GPR139: variants seen among roughly 807,000 people sequenced by gnomAD.
GPR139 encodes the protein probable G protein-coupled receptor 139.
In GPR139, 12 loss-of-function variants were observed where a neutral mutation model predicts 25.8. That is an observed-to-expected ratio of 0.47 (90% CI 0.30 to 0.75). The LOEUF is 0.75. GPR139 is among the 30% of genes least tolerant of loss of function. GPR139 has a pLI of 0.07. For synonymous variants in GPR139, 184 were observed against 179.9 expected (o/e 1.02, Z -0.18); for missense variants, 380 against 450.2 (o/e 0.84, Z 1.41).
At chr16:20,038,327 A>ATGTG (rs1183749066) in intron 1 of GPR139, among the ~76,000 whole-genome samples, 29 of 81,616 alleles carry the variant, frequency 3.6e-4, no homozygotes, top group African/African-American at 1.3e-3. Flanking sequence ...GATAATATAT[A>ATGTG]TATGTGTGTG....
chr16:20,032,120 G>C lies in GPR139; in HGVS notation c.677C>G (p.Thr226Ser). The C allele has an allele frequency of 6.2e-7, 1 of 1,614,208 alleles. No homozygotes were observed. Among genetic ancestry groups the C allele is most frequent in the Non-Finnish European group, 8.5e-7 (1 of 1,180,032 alleles). The change falls in exon 2 of 2, where the codon ACC becomes AGC. Residue 226 changes from threonine to serine, a missense_variant. Physicochemically the swap from Thr to Ser is moderately conservative, Grantham distance 58. Transcript: ENST00000570682. ...GGTAATGGTGAACAAGATGGCGGTG[G>C]TCTTCCCCGTGGAGTAGCCACGGAG... ...FRLRGYSTGK[T>S]TAILFTITSI...
intron 1 of GPR139, among the ~76,000 whole-genome samples, chr16:20,065,143 G>A (rs939369198): frequency 2.6e-5 from 4 of 152,048 alleles, no homozygotes; most frequent in African/African-American, 4.8e-5. Context: ...AATTGGCAGC[G>A]TGCTGGGCCA....
chr16:20,060,100 G>A (rs2057406147), intron 1 of GPR139, among the ~76,000 whole-genome samples: 1 of 152,154 alleles, frequency 6.6e-6, no homozygotes, highest in South Asian at 2.1e-4. Flanking sequence ...TTCCAGGGAA[G>A]ACACTGCTTT....
rs2057275845 is a variant in GPR139 at position 20,028,502 on chromosome 16, A to G, written c.*3233T>C. Among the ~76,000 whole-genome samples the G allele has an allele frequency of 6.6e-6, 1 of 152,170 alleles. No individual in the cohort carries two copies. Among genetic ancestry groups the G allele is most frequent in the African/African-American group, 2.4e-5 (1 of 41,440 alleles). ...TGAACATTTGCTTTTTTTCTATGGT[A>G]ACTTTCTATTCCATTCTCTGAACTG... is the stretch of plus-strand genomic sequence containing the variant. On this transcript the variant is annotated 3_prime_UTR_variant, in exon 2 of 2. Transcript: ENST00000570682.
chr16:20,052,986 A>T (rs1326179974), intron 1 of GPR139, among the ~76,000 whole-genome samples: 4 of 152,086 alleles, frequency 2.6e-5, no homozygotes, highest in Admixed American at 1.3e-4. Flanking sequence ...CCCAGTATGC[A>T]TTAGCTATTT....
chr16:20,064,965 C>T (rs988893657), intron 1 of GPR139, among the ~76,000 whole-genome samples: 1 of 152,198 alleles, frequency 6.6e-6, no homozygotes, highest in Non-Finnish European at 1.5e-5. Flanking sequence ...TCCCTGGTTT[C>T]ATGGGTTGGC....
In GPR139 at chr16:20,032,705, C is replaced by G. The variant is rs371802721; in HGVS notation, c.128-36G>C. 5.9e-6 allele frequency: 9 copies of G among 1,529,322 alleles called. No individual in the cohort carries two copies. In the African/African-American group the frequency reaches 1.2e-4, roughly 21 times the overall value. The allele number at this position is 1,529,322 out of a possible 1,614,324, so 94.7% of individuals were successfully genotyped here. On this transcript the variant is annotated intron_variant, in intron 1 of 1. Coordinates refer to ENST00000570682, the MANE Select transcript of GPR139 (RefSeq NM_001002911.4). ...AAGAAAAACTGGTTTAGCTCTGAAG[C>G]AAAGATGACTTCGTTGGCTCCTATG...
Position 20,045,657 on chromosome 16 carries a change from C to G in GPR139, c.128-12988G>C, listed in dbSNP as rs867932171. On this transcript the variant is annotated intron_variant, in intron 1 of 1. Transcript: ENST00000570682. Reference sequence around the variant, plus strand: ...ATCAATTTCAGAGCAGTCATATGGCCTTTGAGAATGCTCGCCACTCCCAGC... The same window carrying G: ...ATCAATTTCAGAGCAGTCATATGGCGTTTGAGAATGCTCGCCACTCCCAGC... 2.0e-5 allele frequency among the ~76,000 whole-genome samples: 3 copies of G among 152,276 alleles called. No homozygotes were observed. In the South Asian group the frequency reaches 6.2e-4, roughly 32 times the overall value.
chr16:20,052,467 A>G (rs988922289), intron 1 of GPR139, among the ~76,000 whole-genome samples: 17 of 152,222 alleles, frequency 1.1e-4, no homozygotes, highest in South Asian at 2.1e-4. Flanking sequence ...ACGATTCTAT[A>G]ACTTTTTCTT....
chr16:20,061,923 G>A (rs1192797577), intron 1 of GPR139, among the ~76,000 whole-genome samples: 1 of 152,216 alleles, frequency 6.6e-6, no homozygotes, highest in Non-Finnish European at 1.5e-5. Context: ...AATTAGCTAT[G>A]TATGCATCCC....
intron 1 of GPR139, among the ~76,000 whole-genome samples, chr16:20,050,985 C>G (rs2057369546): frequency 6.8e-6 from 1 of 147,084 alleles, no homozygotes; most frequent in Non-Finnish European, 1.5e-5. Flanking sequence ...ATTGTTTGAG[C>G]CCAAGAGGTC....
intron 1 of GPR139, among the ~76,000 whole-genome samples, chr16:20,040,702 C>G (rs1464415976): frequency 6.6e-6 from 1 of 152,120 alleles, no homozygotes; most frequent in East Asian, 1.9e-4. Context: ...CCCTCTCTCC[C>G]TCCCTCCTAA....
chr16:20,063,469 G>A lies in GPR139; in HGVS notation c.127+10021C>T, dbSNP rs116853299. Among the ~76,000 whole-genome samples the A allele has an allele frequency of 9.7e-4, 147 of 152,284 alleles. 1 individual carries two copies. The East Asian group carries it at 0.014, about 15-fold the overall frequency. ...GTGAGCTATGAGTGAGCACTTCACT[G>A]CACTTCAGCCTGGGTGATAGAGTGA... On this transcript the variant is annotated intron_variant, in intron 1 of 1. Coordinates refer to ENST00000570682, the MANE Select transcript of GPR139 (RefSeq NM_001002911.4).
At chr16:20,041,451 G>A (rs922923596) in intron 1 of GPR139, among the ~76,000 whole-genome samples, 4 of 151,728 alleles carry the variant, frequency 2.6e-5, no homozygotes, top group South Asian at 2.1e-4. Flanking sequence ...CAGCAATGCC[G>A]TTGTTTAGAT....
At chr16:20,058,870 C>T (rs1413220096) in intron 1 of GPR139, among the ~76,000 whole-genome samples, 4 of 152,180 alleles carry the variant, frequency 2.6e-5, no homozygotes, top group African/African-American at 9.7e-5. Flanking sequence ...GCAGGATTCG[C>T]CCACTGCTAC....
Position 20,029,843 on chromosome 16 carries a change from T to G in GPR139, c.*1892A>C, listed in dbSNP as rs2057281129. On this transcript the variant is annotated 3_prime_UTR_variant, in exon 2 of 2. Coordinates refer to ENST00000570682, the MANE Select transcript of GPR139 (RefSeq NM_001002911.4). ...CTAAATGAGAGCCAATTCTGTCTTG[T>G]CATCAACCAGAGAAACAGCAACTTG... Among the ~76,000 whole-genome samples, 1 of 152,176 alleles carries G rather than the reference T, an allele frequency of 6.6e-6. No homozygotes were observed. Among genetic ancestry groups the G allele is most frequent in the African/African-American group, 2.4e-5 (1 of 41,444 alleles).
At chr16:20,065,957 A>T (rs1422967378) in intron 1 of GPR139, among the ~76,000 whole-genome samples, 1 of 152,038 alleles carries the variant, frequency 6.6e-6, no homozygotes, top group African/African-American at 2.4e-5. Context: ...TAAGCACTAT[A>T]AGTGTGTCAG....
chr16:20,037,467 A>T (rs1043307259), intron 1 of GPR139, among the ~76,000 whole-genome samples: 45 of 150,728 alleles, frequency 3.0e-4, no homozygotes, highest in Non-Finnish European at 4.7e-4. Flanking sequence ...AAAAAAAAAA[A>T]AAGAGAGAGA....
At chr16:20,049,337 C>T (rs2057364446) in intron 1 of GPR139, among the ~76,000 whole-genome samples, 1 of 152,114 alleles carries the variant, frequency 6.6e-6, no homozygotes, top group Non-Finnish European at 1.5e-5. Flanking sequence ...ACTGTTCACA[C>T]CCCTTTCCTC....
Sources: gnomAD v4.1 joint callset for allele counts (sites outside exome capture counted in the v4.1 genomes callset) on GRCh38, gnomAD v4.1.1 for gene constraint, MANE v1.5 for transcripts, NCBI Gene and HGNC (gene_info 2026-07-23, HGNC 2026-07-21) for gene names.